The following NRXN1 variants were observed in gnomAD, a reference collection of about 807,000 sequenced individuals.
NRXN1 encodes the protein neurexin 1, also known as neurexin-1.
In NRXN1, 39 loss-of-function variants were observed where a neutral mutation model predicts 150.9. The observed-to-expected ratio is 0.26, with a 90% CI of 0.20 to 0.34. The LOEUF (loss-of-function observed/expected upper bound fraction) is 0.34. NRXN1 is among the 10% of genes least tolerant of loss of function. The probability of loss-of-function intolerance (pLI) is 1.00; values close to 1 mark genes in which losing one functional copy is unlikely to be tolerated. For synonymous variants in NRXN1, 924 were observed against 757.0 expected (o/e 1.22, Z -3.62); for missense variants, 1,815 against 1,949.9 (o/e 0.93, Z 1.30).
At chr2:50,482,016 C>T (rs1462767630) in intron 15 of NRXN1, among the ~76,000 whole-genome samples, 1 of 137,358 alleles carries the variant, frequency 7.3e-6, no homozygotes, top group East Asian at 1.9e-4. Flanking sequence ...GATCCGCCCG[C>T]CTCGGCCTCC....
chr2:50,327,166 A>G (rs1478286737), intron 17 of NRXN1, among the ~76,000 whole-genome samples: 1 of 152,238 alleles, frequency 6.6e-6, no homozygotes, highest in East Asian at 1.9e-4. Flanking sequence ...AGAATAAATA[A>G]TCAAATCGTG....
intron 18 of NRXN1, among the ~76,000 whole-genome samples, chr2:50,211,894 A>G (rs1289396810): frequency 6.6e-6 from 1 of 151,668 alleles, no homozygotes; most frequent in Non-Finnish European, 1.5e-5. Flanking sequence ...CATTTAATAC[A>G]TATAATTGAC....
At chr2:50,868,706 T>C (rs917915962) in intron 5 of NRXN1, among the ~76,000 whole-genome samples, 13 of 151,968 alleles carry the variant, frequency 8.6e-5, no homozygotes, top group African/African-American at 2.6e-4. Context: ...ATATTAAAAA[T>C]TGAGATCAAA....
At chr2:50,364,085 T>G (rs1471288201) in intron 17 of NRXN1, among the ~76,000 whole-genome samples, 1 of 151,980 alleles carries the variant, frequency 6.6e-6, no homozygotes, top group Non-Finnish European at 1.5e-5. Flanking sequence ...CACTGGGGCC[T>G]GTTGGGGGTT....
chr2:50,399,271 C>A (rs186389712), intron 17 of NRXN1, among the ~76,000 whole-genome samples: 1 of 152,098 alleles, frequency 6.6e-6, no homozygotes, highest in Admixed American at 6.5e-5. Context: ...ATTATTAAAC[C>A]TAGCTGTCCC....
chr2:50,240,205 GC>G (rs1259716745), intron 17 of NRXN1, among the ~76,000 whole-genome samples: 3 of 151,542 alleles, frequency 2.0e-5, no homozygotes, highest in African/African-American at 7.3e-5. Flanking sequence ...CCAAAACAAA[GC>G]AAAAAAATCG....
chr2:50,575,822 G>A (rs1463622502), intron 8 of NRXN1, among the ~76,000 whole-genome samples: 1 of 152,042 alleles, frequency 6.6e-6, no homozygotes, highest in African/African-American at 2.4e-5. Flanking sequence ...TTTTACAGTA[G>A]AGCTATTTCA....
chr2:50,980,490 TTTTC>T (rs1180466439), intron 2 of NRXN1, among the ~76,000 whole-genome samples: 1 of 152,122 alleles, frequency 6.6e-6, no homozygotes, highest in Non-Finnish European at 1.5e-5. Context: ...TTTAGAACAT[TTTTC>T]TTTGCTTTTC....
At chr2:50,706,475 GAGAATT>G (rs369917661) in intron 5 of NRXN1, among the ~76,000 whole-genome samples, 6 of 152,052 alleles carry the variant, frequency 3.9e-5, no homozygotes, top group African/African-American at 1.2e-4. Context: ...ATAGCAATTG[GAGAATT>G]AGAATTAGAA....
intron 5 of NRXN1, among the ~76,000 whole-genome samples, chr2:50,693,711 T>C (rs1399925377): frequency 6.6e-6 from 1 of 152,184 alleles, no homozygotes; most frequent in Non-Finnish European, 1.5e-5. Context: ...CTAACTCAAC[T>C]TCAGAAAGTT....
chr2:50,923,337 C>A (rs1286086354), intron 3 of NRXN1: 1 of 246,350 alleles, frequency 4.1e-6, no homozygotes, highest in East Asian at 9.6e-5. Flanking sequence ...TGCAAATACA[C>A]TAAAGCAATT....
intron 18 of NRXN1, among the ~76,000 whole-genome samples, chr2:50,139,809 A>C (rs139526541): frequency 6.6e-6 from 1 of 152,330 alleles, no homozygotes; most frequent in East Asian, 1.9e-4. Context: ...GCAAATCGAC[A>C]GAAAAGAGTC....
chr2:50,586,069 C>G (rs1475410053), intron 8 of NRXN1, among the ~76,000 whole-genome samples: 1 of 152,214 alleles, frequency 6.6e-6, no homozygotes, highest in Non-Finnish European at 1.5e-5. Flanking sequence ...GACTCCCACT[C>G]TTACCTCGCT....
At chr2:50,561,134 C>T (rs1372022383) in intron 8 of NRXN1, among the ~76,000 whole-genome samples, 2 of 152,194 alleles carry the variant, frequency 1.3e-5, no homozygotes, top group Non-Finnish European at 2.9e-5. Flanking sequence ...TTCCTTCATT[C>T]CAGCATTCAG....
At chr2:50,797,649 T>C (rs1034747781) in intron 5 of NRXN1, among the ~76,000 whole-genome samples, 1 of 152,162 alleles carries the variant, frequency 6.6e-6, no homozygotes, top group African/African-American at 2.4e-5. Context: ...ATCCTATCCA[T>C]AACCAGGGTT....
At chr2:50,266,901 A>C (rs2152919259) in intron 17 of NRXN1, among the ~76,000 whole-genome samples, 1 of 152,346 alleles carries the variant, frequency 6.6e-6, no homozygotes, top group Admixed American at 6.5e-5. Flanking sequence ...AGAAAACATT[A>C]GTTATTCTTC....
At chr2:50,684,565 G>A (rs752659793) in intron 5 of NRXN1, among the ~76,000 whole-genome samples, 1 of 152,108 alleles carries the variant, frequency 6.6e-6, no homozygotes, top group Non-Finnish European at 1.5e-5. Flanking sequence ...GAAGAAATAT[G>A]TAATAATGGG....
chr2:50,268,804 C>G (rs967248094), intron 17 of NRXN1, among the ~76,000 whole-genome samples: 1 of 152,186 alleles, frequency 6.6e-6, no homozygotes, highest in African/African-American at 2.4e-5. Context: ...GATTCTTTAT[C>G]TAGGCCACAT....
intron 8 of NRXN1, among the ~76,000 whole-genome samples, chr2:50,606,066 T>C (rs891040761): frequency 1.3e-5 from 2 of 151,902 alleles, no homozygotes; most frequent in East Asian, 3.9e-4. Context: ...CTGGTCAACA[T>C]GGTGAAACCC....
Sources: gnomAD v4.1 joint callset for allele counts (sites outside exome capture counted in the v4.1 genomes callset) on GRCh38, gnomAD v4.1.1 for gene constraint, MANE v1.5 for transcripts, NCBI Gene and HGNC (gene_info 2026-07-23, HGNC 2026-07-21) for gene names.